The following CTNNAL1 variants were observed in gnomAD, a reference collection of about 807,000 sequenced individuals.
CTNNAL1 encodes the protein alpha-catulin.
A neutral mutation model predicts 93.6 loss-of-function variants in CTNNAL1; 69 were observed. The ratio of observed to expected loss-of-function variants is 0.74; its 90% CI spans 0.61 to 0.90. CTNNAL1 has a LOEUF of 0.90. CTNNAL1 is among the 40% of genes least tolerant of loss of function. The probability of loss-of-function intolerance (pLI) is 0.00; values close to 1 mark genes in which losing one functional copy is unlikely to be tolerated. For synonymous variants in CTNNAL1, 286 were observed against 305.4 expected (o/e 0.94, Z 0.66); for missense variants, 836 against 862.0 (o/e 0.97, Z 0.38).
intron 4 of CTNNAL1, among the ~76,000 whole-genome samples, chr9:108,986,638 C>T (rs1831617237): frequency 6.6e-6 from 1 of 151,522 alleles, no homozygotes; most frequent in Non-Finnish European, 1.5e-5. Context: ...GTTTACAGTC[C>T]CACCAACAGT....
chr9:108,972,529 C>T (rs1485914242), intron 9 of CTNNAL1, 146 bp downstream of exon 9: 11 of 699,358 alleles, frequency 1.6e-5, no homozygotes, highest in South Asian at 7.8e-5. Flanking sequence ...AGGAACAGAA[C>T]AGATACATGG....
At chr9:108,991,995 A>G in intron 3 of CTNNAL1, 1 of 737,704 alleles carries the variant, frequency 1.4e-6, no homozygotes, top group South Asian at 1.4e-5. Flanking sequence ...CTCTGAGTAC[A>G]GAAATTTTGT....
chr9:109,000,811 C>T (rs1826792089), intron 1 of CTNNAL1, among the ~76,000 whole-genome samples: 2 of 151,612 alleles, frequency 1.3e-5, no homozygotes, highest in African/African-American at 2.4e-5. Flanking sequence ...AAACCAATAT[C>T]CAAGAGATGG....
At chr9:108,986,321 T>C (rs1831605378) in intron 4 of CTNNAL1, among the ~76,000 whole-genome samples, 1 of 150,588 alleles carries the variant, frequency 6.6e-6, no homozygotes, top group African/African-American at 2.4e-5. Context: ...AATGATGATT[T>C]CCAATTTCAT....
chr9:108,958,063 C>CAAAAAAAAAAAAAAAA (rs11291554), intron 11 of CTNNAL1, among the ~76,000 whole-genome samples: 4 of 85,114 alleles, frequency 4.7e-5, no homozygotes, highest in Non-Finnish European at 6.7e-5. Context: ...AAGACTGTCT[C>CAAAAAAAAAAAAAAAA]AAAAAAAAAA....
chr9:108,948,136 A>G, intron 15 of CTNNAL1, 50 bp downstream of exon 15: 1 of 1,591,466 alleles, frequency 6.3e-7, no homozygotes, highest in Non-Finnish European at 8.6e-7. Context: ...TTTATTACCC[A>G]CTTTTAGCCC....
intron 1 of CTNNAL1, among the ~76,000 whole-genome samples, chr9:109,006,275 G>A (rs1220999183): frequency 6.6e-6 from 1 of 152,122 alleles, no homozygotes; most frequent in East Asian, 1.9e-4. Context: ...AAGCACAACA[G>A]TACCAGGCAC....
At chr9:108,968,225 A>G (rs1282929969) in intron 10 of CTNNAL1, among the ~76,000 whole-genome samples, 1 of 152,246 alleles carries the variant, frequency 6.6e-6, no homozygotes, top group Non-Finnish European at 1.5e-5. Flanking sequence ...GCCAAAGCAG[A>G]GATATCCAGA....
In CTNNAL1 at chr9:108,987,157, T is replaced by C. The variant is rs1831635744; in HGVS notation, c.640-2721A>G. On this transcript the variant is annotated intron_variant, in intron 4 of 18. Coordinates refer to ENST00000325551, the MANE Select transcript of CTNNAL1 (RefSeq NM_003798.4). ...GGTTTTCTTCTAGGGTTTTTATGGT[T>C]TTAGGTCTAACGTTTAAGTCTTTAA... Among the ~76,000 whole-genome samples the C allele has an allele frequency of 2.0e-5, 3 of 152,322 alleles. No individual in the cohort carries two copies. The East Asian group carries it at 5.8e-4, about 29-fold the overall frequency.
chr9:108,953,223 T>A (rs1184965579), intron 12 of CTNNAL1, among the ~76,000 whole-genome samples: 1 of 152,210 alleles, frequency 6.6e-6, no homozygotes, highest in African/African-American at 2.4e-5. Flanking sequence ...AGTCCACTGA[T>A]GCCTGTATAC....
chr9:108,968,420 C>T (rs1831018204), intron 10 of CTNNAL1, among the ~76,000 whole-genome samples: 1 of 152,172 alleles, frequency 6.6e-6, no homozygotes, highest in African/African-American at 2.4e-5. Flanking sequence ...AATATCTCTG[C>T]TGCAATAAAA....
At chr9:109,009,816 A>T (rs1827156293) in intron 1 of CTNNAL1, among the ~76,000 whole-genome samples, 1 of 152,216 alleles carries the variant, frequency 6.6e-6, no homozygotes, top group African/African-American at 2.4e-5. Flanking sequence ...GCTTGAACAC[A>T]GTACTTTTCT....
At chr9:108,990,955 T>A in intron 3 of CTNNAL1, 110 bp from the exon 4 acceptor site, 1 of 1,300,156 alleles carries the variant, frequency 7.7e-7, no homozygotes, top group Non-Finnish European at 1.0e-6. Context: ...AGGTGAAAGC[T>A]GAGGAGGAGG....
rs113951065 is a variant in CTNNAL1, at chr9:108,950,112, A to G, written c.1836-1878T>C. 2.6e-3 allele frequency among the ~76,000 whole-genome samples: 393 copies of G among 152,262 alleles called. 2 individuals carry two copies. Among genetic ancestry groups the G allele is most frequent in the African/African-American group, 8.9e-3 (370 of 41,544 alleles). ...ATATCAAACTATATTCATTAATAAT[A>G]TATTCCCCCAAGTCTTATTAGTCAA... On this transcript the variant is annotated intron_variant, in intron 14 of 18. Transcript: ENST00000325551.
chr9:108,983,148 G>A lies in CTNNAL1; in HGVS notation c.897C>T (p.Phe299=). 2 of 1,507,700 alleles carry A rather than the reference G, an allele frequency of 1.3e-6. No homozygotes were observed. Among genetic ancestry groups the A allele is most frequent in the Non-Finnish European group, 1.8e-6 (2 of 1,131,002 alleles). The allele number at this position is 1,507,700 out of a possible 1,614,324, so 93.4% of individuals were successfully genotyped here. The change falls in exon 6 of 19, where the codon TTC becomes TTT. Residue 299 remains phenylalanine, a synonymous_variant. Coordinates refer to ENST00000325551, the MANE Select transcript of CTNNAL1 (RefSeq NM_003798.4). The part of the protein sequence containing the change: ...SISIFTGIKE[F]KMNIEALREN... ...AATATACTCTCTTTATTCTTACCTT[G>A]AATTCCTTAATTCCAGTAAAAATAC...
At chr9:109,009,244 G>T (rs1339407379) in intron 1 of CTNNAL1, among the ~76,000 whole-genome samples, 1 of 151,732 alleles carries the variant, frequency 6.6e-6, no homozygotes, top group African/African-American at 2.4e-5. Flanking sequence ...TTTTCTTAAG[G>T]TTTATACTTG....
Position 109,013,476 on chromosome 9 carries a change from G to A in CTNNAL1, c.-34C>T, listed in dbSNP as rs28361101. On this transcript the variant is annotated 5_prime_UTR_variant, in exon 1 of 19. Coordinates refer to ENST00000325551, the MANE Select transcript of CTNNAL1 (RefSeq NM_003798.4). ...GTCTATCCCGCAGCCGGGACTCCGC[G>A]CCGCGGCGAGCCTGCCGCCAGTCAG... 3 of 1,325,516 alleles carry A rather than the reference G, an allele frequency of 2.3e-6. No individual in the cohort carries two copies. The highest frequency in any genetic ancestry group is 3.2e-5 in the East Asian group (1 of 31,726). The allele number at this position is 1,325,516 out of a possible 1,614,324, so 82.1% of individuals were successfully genotyped here. A position where few individuals can be genotyped will look rare whatever the true frequency, so the allele number is the denominator to read the frequency against.
At chr9:108,963,600 A>C (rs953619286) in intron 11 of CTNNAL1, 8 of 152,288 alleles carry the variant, frequency 5.3e-5, no homozygotes, top group African/African-American at 9.6e-5. Context: ...AAAGCTTCTC[A>C]CAGTGCACGT....
intron 1 of CTNNAL1, 85 bp downstream of exon 1, chr9:109,013,216 GC>G: frequency 1.5e-6 from 2 of 1,366,298 alleles, no homozygotes; most frequent in Non-Finnish European, 1.9e-6. Flanking sequence ...GGCAGCGGCT[GC>G]CTCCCGTCCG....
Sources: gnomAD v4.1 joint callset for allele counts (sites outside exome capture counted in the v4.1 genomes callset) on GRCh38, gnomAD v4.1.1 for gene constraint, MANE v1.5 for transcripts, NCBI Gene and HGNC (gene_info 2026-07-23, HGNC 2026-07-21) for gene names.